The following ABCB11 variants were observed in gnomAD, a reference collection of about 807,000 sequenced individuals.
ABCB11 encodes ATP binding cassette subfamily B member 11, also known as bile salt export pump.
ABCB11 carries 95 observed loss-of-function variants against 148.0 expected under a neutral mutation model. The ratio of observed to expected loss-of-function variants is 0.64; its 90% CI spans 0.54 to 0.76. ABCB11 has a LOEUF of 0.76. ABCB11 is among the 30% of genes least tolerant of loss of function. ABCB11 has a pLI of 0.00. For synonymous variants in ABCB11, 591 were observed against 555.4 expected, an observed-to-expected ratio of 1.06 and a Z score of -0.90; for missense variants, 1,523 against 1,617.8, an observed-to-expected ratio of 0.94 and a Z score of 1.01.
intron 1 of ABCB11, among the ~76,000 whole-genome samples, chr2:169,019,536 T>C (rs1485458769): frequency 1.3e-5 from 2 of 152,176 alleles, no homozygotes; most frequent in African/African-American, 4.8e-5. Flanking sequence ...CTTGCAGAAC[T>C]TGTGCATAGG....
intron 19 of ABCB11, among the ~76,000 whole-genome samples, chr2:168,945,606 G>A (rs908046821): frequency 6.2e-5 from 9 of 146,086 alleles, no homozygotes; most frequent in African/African-American, 2.0e-4. Context: ...AGGGAAGAAG[G>A]AAGAAAGGAA....
In ABCB11 at chr2:168,971,955, G is replaced by T. The variant is rs374701109; in HGVS notation, c.1530C>A (p.Thr510=). ...CATAGCGAATATTTTCTGCAATGGTGGTAGAGAACAGAACTGGCTCTTGCT... is the reference window on the plus strand; with the variant it reads ...CATAGCGAATATTTTCTGCAATGGTTGTAGAGAACAGAACTGGCTCTTGCT... The part of the protein sequence containing the change: ...IVEQEPVLFS[T]TIAENIRYGR... Residue 510 remains threonine, a synonymous_variant, in exon 14 of 28, where the codon ACC becomes ACA. Coordinates refer to ENST00000650372, the MANE Select transcript of ABCB11 (RefSeq NM_003742.4). 257 of 1,612,902 alleles carry T rather than the reference G, an allele frequency of 1.6e-4. No homozygotes were observed. The highest frequency in any genetic ancestry group is 2.1e-4 in the Non-Finnish European group (246 of 1,179,404).
chr2:168,961,190 T>C (rs373268280), intron 18 of ABCB11, among the ~76,000 whole-genome samples: 23 of 151,898 alleles, frequency 1.5e-4, no homozygotes, highest in African/African-American at 5.3e-4. Context: ...GATGCATTCA[T>C]AGTTCAATGC....
chr2:169,021,315 G>T (rs796783583), intron 1 of ABCB11, among the ~76,000 whole-genome samples: 3 of 151,938 alleles, frequency 2.0e-5, no homozygotes, highest in Admixed American at 6.6e-5. Context: ...TCATAAAAAT[G>T]GTCCAAAATT....
chr2:168,957,446 T>A (rs1692849722), intron 19 of ABCB11, among the ~76,000 whole-genome samples: 1 of 151,730 alleles, frequency 6.6e-6, no homozygotes, highest in African/African-American at 2.4e-5. Context: ...AAAATTGGAA[T>A]AAGCTTAGTT....
At chr2:168,928,392 C>T (rs971541576) in intron 25 of ABCB11, among the ~76,000 whole-genome samples, 1 of 151,948 alleles carries the variant, frequency 6.6e-6, no homozygotes, top group African/African-American at 2.4e-5. Flanking sequence ...GTAACAGGCA[C>T]ATCATAGGTA....
intron 23 of ABCB11, 128 bp downstream of exon 23, chr2:168,935,056 T>A (rs1691752692): frequency 1.5e-6 from 2 of 1,326,374 alleles, no homozygotes. Flanking sequence ...TGAGAAATAA[T>A]TAATCCCAGC....
intron 1 of ABCB11, among the ~76,000 whole-genome samples, chr2:169,025,567 A>C (rs1695671225): frequency 1.3e-5 from 2 of 152,290 alleles, no homozygotes; most frequent in African/African-American, 2.4e-5. Context: ...TAAGCACAGG[A>C]ATACTAATCC....
At chr2:168,948,935 G>A (rs1229587281) in intron 19 of ABCB11, among the ~76,000 whole-genome samples, 1 of 151,606 alleles carries the variant, frequency 6.6e-6, no homozygotes. Flanking sequence ...CATTTTTACG[G>A]TCAGGAGAGG....
intron 2 of ABCB11, 34 bp from the exon 3 acceptor site, chr2:169,016,833 TTAA>T (rs768957063): frequency 2.0e-6 from 3 of 1,533,502 alleles, no homozygotes; most frequent in East Asian, 4.6e-5. Context: ...AAAAAAGCAG[TTAA>T]TAATAATGAC....
At chr2:168,928,083 C>T (rs982682631) in intron 25 of ABCB11, among the ~76,000 whole-genome samples, 5 of 151,990 alleles carry the variant, frequency 3.3e-5, no homozygotes, top group African/African-American at 4.8e-5. Context: ...AAGTATTTGG[C>T]CCTATTATTT....
rs957989949 is a variant in ABCB11, at chr2:168,976,681, T to C, written c.1204A>G (p.Ile402Val). 6.2e-7 allele frequency: 1 copy of C among 1,606,528 alleles called. No individual in the cohort carries two copies. The highest frequency in any genetic ancestry group is 8.5e-7 in the Non-Finnish European group (1 of 1,173,642). The change falls in exon 12 of 28, where the codon ATC becomes GTC. Residue 402 changes from isoleucine (I) to valine (V), a missense_variant. Transcript: ENST00000650372. Reference sequence around the variant, plus strand: ...CCATCTTCTGACATGCAGTCAATGATGGGTTTCTGGAGTGAAATACAAAAG... The same window carrying C: ...CCATCTTCTGACATGCAGTCAATGACGGGTTTCTGGAGTGAAATACAAAAG... ...SIFETIDRKP[I>V]IDCMSEDGYK...
chr2:169,018,732 A>G (rs3755161), intron 1 of ABCB11, among the ~76,000 whole-genome samples: 14,521 of 152,088 alleles, frequency 0.095, 1,155 homozygotes, highest in African/African-American at 0.22. Flanking sequence ...TAGTTTATAG[A>G]GGGTACAGGC....
At chr2:168,917,710 C>T (rs897646060), downstream of ABCB11, among the ~76,000 whole-genome samples, 9 of 152,180 alleles carry the variant, frequency 5.9e-5, no homozygotes, top group African/African-American at 1.9e-4. Context: ...AGTGTAAGGA[C>T]ACATTCCAAT....
chr2:168,954,314 G>A (rs1446888903), intron 19 of ABCB11, among the ~76,000 whole-genome samples: 1 of 151,278 alleles, frequency 6.6e-6, no homozygotes, highest in Non-Finnish European at 1.5e-5. Flanking sequence ...TATATGAACT[G>A]TGAGTTTTAT....
At chr2:168,983,010 A>T (rs1375277504) in intron 10 of ABCB11, among the ~76,000 whole-genome samples, 1 of 152,200 alleles carries the variant, frequency 6.6e-6, no homozygotes, top group Non-Finnish European at 1.5e-5. Flanking sequence ...TAAATTATTT[A>T]CAAAAGTAGA....
chr2:169,000,989 A>G (rs907709505), intron 5 of ABCB11, among the ~76,000 whole-genome samples: 1 of 152,054 alleles, frequency 6.6e-6, no homozygotes, highest in African/African-American at 2.4e-5. Flanking sequence ...CTCTCTTTGT[A>G]TAGCTTTTTA....
chr2:168,920,573 T>C (rs942606860), downstream of ABCB11, among the ~76,000 whole-genome samples: 2 of 152,066 alleles, frequency 1.3e-5, no homozygotes, highest in African/African-American at 2.4e-5. Flanking sequence ...TTAACTTTTA[T>C]TAACTGGGGT....
At chr2:168,990,328 A>G (rs1416022917) in intron 9 of ABCB11, among the ~76,000 whole-genome samples, 1 of 152,002 alleles carries the variant, frequency 6.6e-6, no homozygotes, top group East Asian at 1.9e-4. Flanking sequence ...TTTCTCCGTG[A>G]TTCAACCTTG....
Sources: allele counts gnomAD v4.1 joint callset (sites outside exome capture counted in the v4.1 genomes callset), GRCh38; gene constraint gnomAD v4.1.1; transcripts MANE v1.5; gene names NCBI Gene and HGNC (gene_info 2026-07-23, HGNC 2026-07-21).